CSMD1: variants seen among roughly 807,000 people sequenced by gnomAD.
CSMD1 encodes the protein CUB and sushi domain-containing protein 1.
A neutral mutation model predicts 417.5 loss-of-function variants in CSMD1; 213 were observed. That is an observed-to-expected ratio of 0.51 (90% CI 0.46 to 0.57). The LOEUF (loss-of-function observed/expected upper bound fraction) is 0.57, where lower values mean the gene tolerates loss of function less well. CSMD1 is among the 20% of genes least tolerant of loss of function. CSMD1 has a pLI of 0.00. For synonymous variants in CSMD1, 2,862 were observed against 1,736.8 expected (o/e 1.65, Z -16.11); for missense variants, 6,923 against 4,529.7 (o/e 1.53, Z -15.17).
rs933023267 is a variant in CSMD1, at chr8:4,194,148, A to G, written c.416-162049T>C. 2.6e-5 allele frequency among the ~76,000 whole-genome samples: 4 copies of G among 152,330 alleles called. No individual in the cohort carries two copies. The South Asian group carries it at 6.2e-4, about 24-fold the overall frequency. ...ATGCAGAATGATAAAAATGACCAAGAAAACAATTAAAATATTGCCCTATCA... is the reference window on the plus strand; with the variant it reads ...ATGCAGAATGATAAAAATGACCAAGGAAACAATTAAAATATTGCCCTATCA... On this transcript the variant is annotated intron_variant, in intron 3 of 69. Transcript: ENST00000635120.
chr8:3,074,597 C>G (rs967392202), intron 49 of CSMD1, among the ~76,000 whole-genome samples: 4 of 152,168 alleles, frequency 2.6e-5, no homozygotes, highest in African/African-American at 9.7e-5. Flanking sequence ...ATTTCACTTT[C>G]AAGAAATTGT....
intron 15 of CSMD1, among the ~76,000 whole-genome samples, chr8:3,401,178 T>C (rs367777398): frequency 2.6e-5 from 4 of 152,076 alleles, no homozygotes; most frequent in East Asian, 3.9e-4. Flanking sequence ...AAAGATACTA[T>C]ATAAGAAAGA....
At chr8:4,214,873 T>A (rs73184138) in intron 3 of CSMD1, among the ~76,000 whole-genome samples, 4,635 of 152,234 alleles carry the variant, frequency 0.03, 112 homozygotes, top group East Asian at 0.094. Context: ...AGCGTTTTTT[T>A]AAAAAAATGT....
chr8:4,917,333 C>G (rs927401415), intron 1 of CSMD1, among the ~76,000 whole-genome samples: 29 of 152,212 alleles, frequency 1.9e-4, no homozygotes, highest in Non-Finnish European at 4.3e-4. Context: ...CTGGGCATTA[C>G]AATTCAACAT....
At chr8:4,058,559 T>C (rs1224637898) in intron 3 of CSMD1, among the ~76,000 whole-genome samples, 1 of 151,766 alleles carries the variant, frequency 6.6e-6, no homozygotes, top group East Asian at 1.9e-4. Context: ...TGGCCAGAAC[T>C]TCCAACATAT....
At chr8:4,375,357 C>A (rs1802665980) in intron 3 of CSMD1, among the ~76,000 whole-genome samples, 1 of 152,086 alleles carries the variant, frequency 6.6e-6, no homozygotes, top group African/African-American at 2.4e-5. Context: ...TATTCACCAT[C>A]CACACAGGGG....
intron 8 of CSMD1, among the ~76,000 whole-genome samples, chr8:3,596,112 A>C (rs1009096197): frequency 1.3e-5 from 2 of 152,172 alleles, no homozygotes; most frequent in African/African-American, 4.8e-5. Context: ...TTTGCGGATC[A>C]TGCTCTTTGC....
intron 2 of CSMD1, among the ~76,000 whole-genome samples, chr8:4,529,904 T>A (rs541205912): frequency 5.9e-5 from 9 of 151,740 alleles, no homozygotes; most frequent in South Asian, 2.1e-4. Flanking sequence ...TTAATTTTTT[T>A]ATTTTTATTT....
At chr8:4,306,869 G>C (rs557649448) in intron 3 of CSMD1, among the ~76,000 whole-genome samples, 1 of 151,544 alleles carries the variant, frequency 6.6e-6, no homozygotes, top group East Asian at 1.9e-4. Flanking sequence ...ATCTCTTTTT[G>C]CAAAATCTGC....
At chr8:4,231,232 G>C (rs1409781180) in intron 3 of CSMD1, among the ~76,000 whole-genome samples, 2 of 152,144 alleles carry the variant, frequency 1.3e-5, no homozygotes, top group South Asian at 2.1e-4. Flanking sequence ...CCCTCTTTGA[G>C]GTTACTGCCG....
chr8:3,173,171 T>C (rs921826487), intron 37 of CSMD1, among the ~76,000 whole-genome samples: 1 of 152,208 alleles, frequency 6.6e-6, no homozygotes, highest in Non-Finnish European at 1.5e-5. Context: ...CACTGAGTAA[T>C]TGTTAAAACG....
intron 3 of CSMD1, among the ~76,000 whole-genome samples, chr8:4,208,668 T>C (rs1053895431): frequency 5.9e-5 from 9 of 152,084 alleles, no homozygotes; most frequent in Non-Finnish European, 1.3e-4. Context: ...AAACCAATTA[T>C]GCAAAACATC....
At chr8:4,090,785 C>G (rs1343866263) in intron 3 of CSMD1, among the ~76,000 whole-genome samples, 1 of 152,090 alleles carries the variant, frequency 6.6e-6, no homozygotes, top group Non-Finnish European at 1.5e-5. Context: ...TAATAATTCA[C>G]TGGTGCGTGG....
intron 26 of CSMD1, among the ~76,000 whole-genome samples, chr8:3,239,088 A>C (rs1375723119): frequency 1.3e-5 from 2 of 152,210 alleles, no homozygotes; most frequent in African/African-American, 4.8e-5. Flanking sequence ...TTCTGAGGAC[A>C]GACCTGAATT....
At chr8:3,099,424 A>C (rs11994223) in intron 46 of CSMD1, among the ~76,000 whole-genome samples, 2,399 of 152,246 alleles carry the variant, frequency 0.016, 64 homozygotes, top group African/African-American at 0.051. Flanking sequence ...TGGCAGGTTC[A>C]ATAAACTTAT....
chr8:4,700,503 T>C (rs912340878), intron 1 of CSMD1, among the ~76,000 whole-genome samples: 1 of 152,128 alleles, frequency 6.6e-6, no homozygotes. Context: ...AAACTATGCA[T>C]GTTACAATGA....
At chr8:4,350,419 T>C (rs1358422976) in intron 3 of CSMD1, among the ~76,000 whole-genome samples, 1 of 152,226 alleles carries the variant, frequency 6.6e-6, no homozygotes, top group East Asian at 1.9e-4. Flanking sequence ...TCTGATTTAC[T>C]ATATCTCATC....
At chr8:3,226,400 T>C (rs993378598) in intron 27 of CSMD1, among the ~76,000 whole-genome samples, 5 of 151,938 alleles carry the variant, frequency 3.3e-5, no homozygotes, top group African/African-American at 2.4e-5. Context: ...CTGGCTAACA[T>C]AGCAAAACCT....
At chr8:4,715,837 G>A (rs947627651) in intron 1 of CSMD1, among the ~76,000 whole-genome samples, 2 of 152,182 alleles carry the variant, frequency 1.3e-5, no homozygotes, top group African/African-American at 4.8e-5. Context: ...CCAAACCAAA[G>A]TGGACTTTGC....
Sources: gnomAD v4.1 joint callset for allele counts (sites outside exome capture counted in the v4.1 genomes callset) on GRCh38, gnomAD v4.1.1 for gene constraint, MANE v1.5 for transcripts, NCBI Gene and HGNC (gene_info 2026-07-23, HGNC 2026-07-21) for gene names.